N4BP1: variants seen among roughly 807,000 people sequenced by gnomAD.
The protein encoded by N4BP1 is NEDD4 binding protein 1.
In N4BP1, 21 loss-of-function variants were observed where a neutral mutation model predicts 70.9. The observed-to-expected ratio is 0.30, with a 90% confidence interval of 0.21 to 0.43. N4BP1 has a LOEUF of 0.43. Ranked by LOEUF, N4BP1 falls within the 20% of genes least tolerant of loss-of-function variation. The pLI is 1.00. For missense variants in N4BP1, 936 were observed against 1,069.4 expected (o/e 0.88, Z 1.74); for synonymous variants, 387 against 394.6 (o/e 0.98, Z 0.23).
chr16:48,542,703 T>C lies in N4BP1; in HGVS notation c.*201A>G. 4 of 448,156 alleles carry C rather than the reference T, an allele frequency of 8.9e-6. No homozygotes were observed. The Admixed American group carries it at 1.2e-4, about 13-fold the overall frequency. 27.8% of individuals were successfully genotyped at this position (448,156 alleles called of 1,614,324 possible). Reference sequence around the variant, plus strand: ...TTCCTTTAACAGAAAATGTTAAATCTGTAATAGCAGCATAATTTATATATA... The same window carrying C: ...TTCCTTTAACAGAAAATGTTAAATCCGTAATAGCAGCATAATTTATATATA... On this transcript the variant is annotated 3_prime_UTR_variant, in exon 7 of 7. Transcript: ENST00000262384.
chr16:48,544,147 G>A (rs1963555371), intron 6 of N4BP1, among the ~76,000 whole-genome samples: 1 of 152,220 alleles, frequency 6.6e-6, no homozygotes, highest in Non-Finnish European at 1.5e-5. Context: ...AGCAGGTGTG[G>A]AAAATGGCTG....
Position 48,560,979 on chromosome 16 carries a change from T to G in N4BP1, c.1664A>C (p.Lys555Thr). ...TGGAGAAAGGGTTGAGCAATTTGGC[T>G]TAGAATGAGGAGAACTACAACATCC... The part of the protein sequence containing the change: ...RLGCCSSPHS[K>T]PNCSTLSPPM... Residue 555 changes from lysine (K) to threonine (T), a missense_variant, in exon 2 of 7, where the codon AAG becomes ACG. By Grantham distance (78) the Lys-to-Thr change is moderately conservative (BLOSUM62 -1). This residue lies in a region of N4BP1 where 515 missense variants were observed against 491.7 expected (regional missense o/e 1.05). Coordinates refer to ENST00000262384, the MANE Select transcript of N4BP1 (RefSeq NM_153029.4). 6.2e-7 allele frequency: 1 copy of G among 1,614,000 alleles called. No homozygotes were observed. The highest frequency in any genetic ancestry group is 8.5e-7 in the Non-Finnish European group (1 of 1,179,884).
intron 1 of N4BP1, among the ~76,000 whole-genome samples, chr16:48,607,552 G>C (rs2151104933): frequency 6.6e-6 from 1 of 152,302 alleles, no homozygotes; most frequent in African/African-American, 2.4e-5. Context: ...AGTTGAACCA[G>C]GGAGGGAGGG....
At chr16:48,544,705 G>T (rs1302683599) in intron 6 of N4BP1, among the ~76,000 whole-genome samples, 1 of 152,164 alleles carries the variant, frequency 6.6e-6, no homozygotes, top group Non-Finnish European at 1.5e-5. Context: ...GATAAATATT[G>T]AATACTGGCT....
chr16:48,570,537 G>C (rs971185193), intron 1 of N4BP1, among the ~76,000 whole-genome samples: 1 of 152,138 alleles, frequency 6.6e-6, no homozygotes, highest in African/African-American at 2.4e-5. Context: ...AGTAGAGATG[G>C]GGTTTCACCA....
Position 48,561,493 on chromosome 16 carries a change from T to C in N4BP1, c.1150A>G (p.Ile384Val). 1.9e-6 allele frequency: 3 copies of C among 1,611,820 alleles called. No homozygotes were observed. The highest frequency in any genetic ancestry group is 2.5e-6 in the Non-Finnish European group (3 of 1,179,358). ...TGGAATCTTTTATTTTCTTTTTCAA[T>C]TTCCTCTAAGAGCAATAATGGTTCA... ...STEPLLLLEE[I>V]EKENKRFQED... Residue 384 changes from isoleucine (I) to valine (V), a missense_variant, in exon 2 of 7, where the codon ATT becomes GTT. Ile to Val is a conservative substitution (Grantham distance 29). Transcript: ENST00000262384.
At chr16:48,605,033 CT>C (rs111673638) in intron 1 of N4BP1, among the ~76,000 whole-genome samples, 90 of 145,456 alleles carry the variant, frequency 6.2e-4, no homozygotes, top group Admixed American at 9.6e-4. Flanking sequence ...AAGAAGGGTT[CT>C]TTTTTTTTTT....
chr16:48,573,488 G>A (rs1229522749), intron 1 of N4BP1, among the ~76,000 whole-genome samples: 3 of 152,142 alleles, frequency 2.0e-5, no homozygotes, highest in Non-Finnish European at 4.4e-5. Context: ...AGCTACTCAG[G>A]AGGCTGAGGC....
intron 6 of N4BP1, among the ~76,000 whole-genome samples, chr16:48,544,346 C>T (rs1334515380): frequency 1.3e-5 from 2 of 152,182 alleles, no homozygotes; most frequent in East Asian, 3.8e-4. Context: ...TGAATCCAAA[C>T]CTACAGCTCC....
chr16:48,586,510 C>T (rs775109784), intron 1 of N4BP1, among the ~76,000 whole-genome samples: 4 of 152,160 alleles, frequency 2.6e-5, no homozygotes, highest in Admixed American at 6.5e-5. Context: ...TTGTCTATAA[C>T]GTAACAAGAG....
chr16:48,547,024 A>G (rs1480961662), intron 5 of N4BP1, among the ~76,000 whole-genome samples: 1 of 152,152 alleles, frequency 6.6e-6, no homozygotes, highest in Non-Finnish European at 1.5e-5. Flanking sequence ...GCTATCAACA[A>G]CAGCTTTTTA....
At chr16:48,557,116 C>T (rs1178852625) in intron 2 of N4BP1, among the ~76,000 whole-genome samples, 4 of 152,240 alleles carry the variant, frequency 2.6e-5, no homozygotes, top group Middle Eastern at 3.4e-3. Flanking sequence ...GTATGGGCTG[C>T]AGACCTCATT....
chr16:48,578,729 T>C (rs1332161474), intron 1 of N4BP1, among the ~76,000 whole-genome samples: 1 of 152,234 alleles, frequency 6.6e-6, no homozygotes, highest in African/African-American at 2.4e-5. Context: ...AGAACAATAT[T>C]CAAAGTCCCT....
intron 1 of N4BP1, among the ~76,000 whole-genome samples, chr16:48,585,561 T>C (rs1236120479): frequency 2.6e-5 from 4 of 151,336 alleles, no homozygotes; most frequent in African/African-American, 9.7e-5. Flanking sequence ...TTTTTTGAGA[T>C]GGAGTCTCAC....
chr16:48,551,299 C>T, intron 4 of N4BP1, 87 bp downstream of exon 4: 1 of 924,878 alleles, frequency 1.1e-6, no homozygotes, highest in South Asian at 1.4e-5. Flanking sequence ...AGCAGGTCCT[C>T]TAAAAGTGTG....
At chr16:48,591,454 CTTA>C (rs988244715) in intron 1 of N4BP1, among the ~76,000 whole-genome samples, 1 of 152,062 alleles carries the variant, frequency 6.6e-6, no homozygotes, top group Non-Finnish European at 1.5e-5. Flanking sequence ...TTAGCTAAAA[CTTA>C]TTAATTTCAC....
Position 48,541,822 on chromosome 16 carries a change from G to A in N4BP1, c.*1082C>T, listed in dbSNP as rs1341704257. On this transcript the variant is annotated 3_prime_UTR_variant, in exon 7 of 7. Coordinates refer to ENST00000262384, the MANE Select transcript of N4BP1 (RefSeq NM_153029.4). ...ACTCACAGGAAAGGCTGTTTAGGAG[G>A]ACACTAGAGACAAACACAGGGAAAA... 1 of 152,628 alleles carries A rather than the reference G, an allele frequency of 6.6e-6. No individual in the cohort carries two copies. The highest frequency in any genetic ancestry group is 1.5e-5 in the Non-Finnish European group (1 of 68,054). 9.5% of individuals were successfully genotyped at this position (152,628 alleles called of 1,614,324 possible).
chr16:48,557,339 CCTTAA>C (rs1223215853), intron 2 of N4BP1, among the ~76,000 whole-genome samples: 2 of 152,136 alleles, frequency 1.3e-5, no homozygotes, highest in South Asian at 4.1e-4. Flanking sequence ...AAAATTCCAA[CCTTAA>C]CTTCTGCTGG....
chr16:48,543,364 C>T (rs142798096), intron 6 of N4BP1, 103 bp from the exon 7 acceptor site: 23 of 944,042 alleles, frequency 2.4e-5, no homozygotes, highest in African/African-American at 1.3e-4. Context: ...CTCAGGATGC[C>T]GCTCCCTGGC....
Sources: gnomAD v4.1 joint callset for allele counts (sites outside exome capture counted in the v4.1 genomes callset) on GRCh38, gnomAD v4.1.1 for gene constraint, gnomAD v4.1.1 regional missense constraint, MANE v1.5 for transcripts, NCBI Gene and HGNC (gene_info 2026-07-23, HGNC 2026-07-21) for gene names.